The following GMDS variants were observed in gnomAD, a reference collection of about 807,000 sequenced individuals.
GMDS encodes GDP-mannose 4,6-dehydratase, also known as GDP-mannose 4,6 dehydratase.
A neutral mutation model predicts 49.9 loss-of-function variants in GMDS; 20 were observed. The observed-to-expected ratio is 0.40, with a 90% CI of 0.28 to 0.58. The LOEUF (loss-of-function observed/expected upper bound fraction) is 0.58. Among genes scored for constraint, GMDS ranks in the 20% least tolerant of loss-of-function variants. The probability of loss-of-function intolerance (pLI) is 0.42; values close to 1 mark genes in which losing one functional copy is unlikely to be tolerated. For missense variants in GMDS, 362 were observed against 481.4 expected, an observed-to-expected ratio of 0.75 and a Z score of 2.32; for synonymous variants, 177 against 178.6, an observed-to-expected ratio of 0.99 and a Z score of 0.07.
intron 1 of GMDS, among the ~76,000 whole-genome samples, chr6:2,131,216 G>A (rs566809790): frequency 1.3e-5 from 2 of 152,164 alleles, no homozygotes; most frequent in South Asian, 2.1e-4. Flanking sequence ...CCCAACATGT[G>A]TAATAATACT....
intron 9 of GMDS, among the ~76,000 whole-genome samples, chr6:1,634,235 C>G (rs1487936589): frequency 6.6e-6 from 1 of 152,206 alleles, no homozygotes; most frequent in African/African-American, 2.4e-5. Context: ...GAGGCAGTAA[C>G]CTGGCCATCC....
At chr6:2,137,421 C>T (rs543009088) in intron 1 of GMDS, among the ~76,000 whole-genome samples, 3 of 151,438 alleles carry the variant, frequency 2.0e-5, no homozygotes, top group Non-Finnish European at 4.4e-5. Flanking sequence ...GCAACCTCTG[C>T]CTCCCCGGTT....
intron 1 of GMDS, among the ~76,000 whole-genome samples, chr6:2,145,430 C>T (rs1214682291): frequency 1.3e-5 from 2 of 151,674 alleles, no homozygotes; most frequent in African/African-American, 2.4e-5. Context: ...CCCAGCTACT[C>T]GGGAAGCTGA....
intron 7 of GMDS, among the ~76,000 whole-genome samples, chr6:1,805,987 T>C (rs1561816029): frequency 6.6e-6 from 1 of 152,124 alleles, no homozygotes; most frequent in Non-Finnish European, 1.5e-5. Flanking sequence ...TATATAAAAA[T>C]ATATGTGGGT....
intron 7 of GMDS, among the ~76,000 whole-genome samples, chr6:1,869,808 G>A (rs1758636311): frequency 6.6e-6 from 1 of 152,210 alleles, no homozygotes; most frequent in Admixed American, 6.5e-5. Context: ...ACTCTGTGGA[G>A]GACCCACTGA....
intron 1 of GMDS, among the ~76,000 whole-genome samples, chr6:2,173,413 TTAAC>T (rs1482002396): frequency 6.6e-6 from 1 of 152,158 alleles, no homozygotes; most frequent in Non-Finnish European, 1.5e-5. Flanking sequence ...TTTGATAACT[TTAAC>T]TAATACCAGA....
In GMDS at chr6:1,765,033, A is replaced by AT. The variant is rs148169712; in HGVS notation, c.772-22448dup. 2.6e-5 allele frequency among the ~76,000 whole-genome samples: 4 copies of AT among 152,014 alleles called. No individual in the cohort carries two copies. The East Asian group carries it at 7.7e-4, about 29-fold the overall frequency. On this transcript the variant is annotated intron_variant, in intron 7 of 10. Coordinates refer to ENST00000380815, the MANE Select transcript of GMDS (RefSeq NM_001500.4). The stretch of plus-strand genomic sequence containing the variant: ...CTAAATAGTAAACAGCTGTGGGCAC[A>AT]TTTTTTTCCCCCCAGTGTGACTTCT...
intron 7 of GMDS, among the ~76,000 whole-genome samples, chr6:1,923,336 G>C (rs2113908726): frequency 6.6e-6 from 1 of 152,320 alleles, no homozygotes; most frequent in African/African-American, 2.4e-5. Flanking sequence ...CGCTGGCAGA[G>C]GGCAGCTGCT....
chr6:1,720,349 T>G (rs1046838292), intron 9 of GMDS, among the ~76,000 whole-genome samples: 2 of 151,954 alleles, frequency 1.3e-5, no homozygotes, highest in Non-Finnish European at 2.9e-5. Flanking sequence ...AAGAATCAAC[T>G]GAAGAGACTG....
intron 7 of GMDS, among the ~76,000 whole-genome samples, chr6:1,883,086 T>C (rs1208821513): frequency 6.6e-6 from 1 of 152,158 alleles, no homozygotes; most frequent in Non-Finnish European, 1.5e-5. Context: ...AATATATAAG[T>C]AGGACTTTGA....
intron 4 of GMDS, among the ~76,000 whole-genome samples, chr6:2,039,085 T>TC (rs1478104992): frequency 6.6e-6 from 1 of 152,182 alleles, no homozygotes; most frequent in Non-Finnish European, 1.5e-5. Flanking sequence ...AGCCTATTGC[T>TC]CCTAGGCTCC....
chr6:2,048,627 A>G (rs910054997), intron 4 of GMDS, among the ~76,000 whole-genome samples: 1 of 152,206 alleles, frequency 6.6e-6, no homozygotes, highest in African/African-American at 2.4e-5. Flanking sequence ...GGGGAGCTAC[A>G]TATTAGTGAT....
intron 9 of GMDS, among the ~76,000 whole-genome samples, chr6:1,633,825 G>A (rs1234151034): frequency 3.9e-5 from 6 of 151,942 alleles, no homozygotes; most frequent in African/African-American, 1.5e-4. Context: ...ATGGAGCCCA[G>A]GCCTTTCCCA....
intron 4 of GMDS, among the ~76,000 whole-genome samples, chr6:1,997,019 G>A (rs922054629): frequency 6.6e-6 from 1 of 151,900 alleles, no homozygotes; most frequent in African/African-American, 2.4e-5. Flanking sequence ...TTGGTGAGAG[G>A]AGGGAACGGC....
intron 1 of GMDS, among the ~76,000 whole-genome samples, chr6:2,222,554 A>C (rs1469359387): frequency 6.6e-6 from 1 of 152,240 alleles, no homozygotes; most frequent in African/African-American, 2.4e-5. Flanking sequence ...GCAATTTAAG[A>C]ATACTCACAG....
intron 1 of GMDS, among the ~76,000 whole-genome samples, chr6:2,169,941 C>T (rs1161516262): frequency 2.0e-5 from 3 of 152,184 alleles, no homozygotes; most frequent in Non-Finnish European, 4.4e-5. Flanking sequence ...CGGTGGCTCA[C>T]GCCTGTAATC....
At chr6:2,042,615 T>A (rs4959629) in intron 4 of GMDS, among the ~76,000 whole-genome samples, 107,175 of 151,828 alleles carry the variant, frequency 0.71, 38,027 homozygotes, top group Middle Eastern at 0.74. Context: ...GCTTAAAAAA[T>A]TTTTTTTAAG....
At chr6:1,981,437 G>T (rs1008928566) in intron 4 of GMDS, among the ~76,000 whole-genome samples, 1 of 152,098 alleles carries the variant, frequency 6.6e-6, no homozygotes, top group Non-Finnish European at 1.5e-5. Flanking sequence ...AAATCTACAA[G>T]AAATGGATAA....
At chr6:2,009,538 C>T (rs1359703874) in intron 4 of GMDS, among the ~76,000 whole-genome samples, 1 of 152,134 alleles carries the variant, frequency 6.6e-6, no homozygotes, top group Non-Finnish European at 1.5e-5. Context: ...TTTTAAAAGG[C>T]AGGAGGGTCT....
Sources: gnomAD v4.1 joint callset for allele counts (sites outside exome capture counted in the v4.1 genomes callset) on GRCh38, gnomAD v4.1.1 for gene constraint, MANE v1.5 for transcripts, NCBI Gene and HGNC (gene_info 2026-07-23, HGNC 2026-07-21) for gene names.